Variants in SMIM13 observed in about 807,000 individuals in gnomAD.
SMIM13 encodes UPF0766 protein C6orf228.
In SMIM13, 3 loss-of-function variants were observed where a neutral mutation model predicts 5.9. The observed-to-expected ratio is 0.51, with a 90% confidence interval of 0.23 to 1.31. The LOEUF is 1.31. Ranked by LOEUF, SMIM13 falls within the 40% of genes most tolerant of loss-of-function variation. The probability of loss-of-function intolerance (pLI) is 0.18; values close to 1 mark genes in which losing one functional copy is unlikely to be tolerated. For missense variants in SMIM13, 85 were observed against 109.9 expected (o/e 0.77, Z 1.01); for synonymous variants, 55 against 46.0 (o/e 1.19, Z -0.79).
At chr6:11,121,205 T>C (rs1758305220) in intron 1 of SMIM13, among the ~76,000 whole-genome samples, 1 of 152,232 alleles carries the variant, frequency 6.6e-6, no homozygotes, top group Admixed American at 6.5e-5. Context: ...AATCAGTATA[T>C]TGTGGACTGT....
At chr6:11,109,438 A>T (rs1203202841) in intron 1 of SMIM13, among the ~76,000 whole-genome samples, 5 of 152,108 alleles carry the variant, frequency 3.3e-5, no homozygotes, top group African/African-American at 1.2e-4. Flanking sequence ...GGAGACTTCG[A>T]TATAATTGGG....
intron 1 of SMIM13, among the ~76,000 whole-genome samples, chr6:11,132,071 A>G (rs924445301): frequency 1.3e-5 from 2 of 152,218 alleles, no homozygotes; most frequent in Admixed American, 6.5e-5. Flanking sequence ...TTACAACTCA[A>G]TAATAAAAAG....
At chr6:11,115,389 T>G (rs995440491) in intron 1 of SMIM13, among the ~76,000 whole-genome samples, 3 of 152,166 alleles carry the variant, frequency 2.0e-5, no homozygotes, top group African/African-American at 7.2e-5. Flanking sequence ...TCCTTCAAGC[T>G]TATGTGGTTG....
intron 1 of SMIM13, among the ~76,000 whole-genome samples, chr6:11,109,700 C>T (rs1207973501): frequency 1.3e-5 from 2 of 152,056 alleles, no homozygotes; most frequent in Non-Finnish European, 2.9e-5. Context: ...ATTCCTGGTC[C>T]TAGAGCTTTT....
intron 1 of SMIM13, among the ~76,000 whole-genome samples, chr6:11,130,095 C>G (rs1758432802): frequency 6.6e-6 from 1 of 152,120 alleles, no homozygotes; most frequent in Non-Finnish European, 1.5e-5. Context: ...CTCCTCCTGT[C>G]TGTCCCCAAA....
At chr6:11,098,377 T>C (rs895130124) in intron 1 of SMIM13, among the ~76,000 whole-genome samples, 1 of 152,234 alleles carries the variant, frequency 6.6e-6, no homozygotes, top group Non-Finnish European at 1.5e-5. Context: ...TGAGCTTAAA[T>C]TGTCATATTC....
In SMIM13 at chr6:11,134,525, TC is replaced by T. The variant is rs1352246410; in HGVS notation, c.201del (p.Ser68ProfsTer23). 2 of 1,551,044 alleles carry T rather than the reference TC, an allele frequency of 1.3e-6. No individual in the cohort carries two copies. The highest frequency in any genetic ancestry group is 2.7e-5 in the African/African-American group (2 of 73,118). On this transcript the variant is annotated frameshift_variant, in exon 2 of 2. Transcript: ENST00000416247. LOFTEE classifies it high-confidence loss of function. ...AGGGTCTGAAACTGAAGAAGACACT[TC>T]CTCCTCTCCACACAGAATCAGATCC... ...PSGSETEEDT[S>X]SSPHRIRSAR...
intron 1 of SMIM13, among the ~76,000 whole-genome samples, chr6:11,117,339 A>ATT (rs34219527): frequency 7.5e-6 from 1 of 133,048 alleles, no homozygotes; most frequent in African/African-American, 2.8e-5. Context: ...AATTTTTTGT[A>ATT]TTTTTTTTTT....
rs1236812271 is a variant in SMIM13 at position 11,103,253 on chromosome 6, GGAAGT to G, written c.76+8866_76+8870del. On this transcript the variant is annotated intron_variant, in intron 1 of 1. Coordinates refer to ENST00000416247, the MANE Select transcript of SMIM13 (RefSeq NM_001135575.2). The stretch of plus-strand genomic sequence containing the variant: ...GCACCCAACTCCTGAGATCTTATCA[GGAAGT>G]GGCTGATCACCAGCTTCAGGTGTTT... 18 of 166,450 alleles carry G rather than the reference GGAAGT, an allele frequency of 1.1e-4. 1 individual carries two copies. In the Middle Eastern group the frequency reaches 0.022, roughly 202 times the overall value. 10.3% of individuals were successfully genotyped at this position (166,450 alleles called of 1,614,324 possible).
chr6:11,103,720 G>A (rs1283669010), intron 1 of SMIM13: 12 of 1,551,310 alleles, frequency 7.7e-6, no homozygotes, highest in South Asian at 5.9e-5. Context: ...TGAATATTGC[G>A]AGGATGGCGT....
At chr6:11,102,214 C>T (rs1430054438) in intron 1 of SMIM13, among the ~76,000 whole-genome samples, 2 of 152,150 alleles carry the variant, frequency 1.3e-5, no homozygotes, top group South Asian at 2.1e-4. Flanking sequence ...CCAGAATTCT[C>T]ATTAACCCTG....
chr6:11,101,032 C>CTTTTTT (rs200622017), intron 1 of SMIM13, among the ~76,000 whole-genome samples: 33 of 127,480 alleles, frequency 2.6e-4, no homozygotes, highest in Middle Eastern at 4.0e-3. Context: ...TCTCCATTTT[C>CTTTTTT]TTTTTTTTTT....
chr6:11,105,604 A>C, intron 1 of SMIM13: 2 of 363,098 alleles, frequency 5.5e-6, no homozygotes, highest in Non-Finnish European at 1.1e-5. Flanking sequence ...TGATGGATCT[A>C]GCTGGCAGTC....
intron 1 of SMIM13, among the ~76,000 whole-genome samples, chr6:11,107,077 C>A (rs1481850827): frequency 6.6e-6 from 1 of 152,204 alleles, no homozygotes; most frequent in Admixed American, 6.5e-5. Context: ...CCATACTCTG[C>A]ATATCTAGCT....
At position 11,135,293 on chromosome 6, in the gene SMIM13, G is replaced by A. The variant is rs962281801; in HGVS notation, c.*691G>A. The A allele has an allele frequency of 6.6e-6, 1 of 152,570 alleles. No homozygotes were observed. The highest frequency in any genetic ancestry group is 1.5e-5 in the Non-Finnish European group (1 of 68,038). 9.5% of individuals were successfully genotyped at this position (152,570 alleles called of 1,614,324 possible). A position where few individuals can be genotyped will look rare whatever the true frequency, so the allele number is the denominator to read the frequency against. On this transcript the variant is annotated 3_prime_UTR_variant, in exon 2 of 2. Transcript: ENST00000416247. ...AAAGCAACAACAAAATGTTTTACGG[G>A]ACCTAAGAAAGGTAGGTACCCACAA...
chr6:11,113,147 T>G (rs1020348156), intron 1 of SMIM13, among the ~76,000 whole-genome samples: 4 of 152,224 alleles, frequency 2.6e-5, no homozygotes, highest in Non-Finnish European at 5.9e-5. Context: ...GTTAGTAGTA[T>G]TATTAACATT....
At chr6:11,132,728 A>G (rs867484009) in intron 1 of SMIM13, among the ~76,000 whole-genome samples, 7 of 152,202 alleles carry the variant, frequency 4.6e-5, no homozygotes, top group Admixed American at 2.0e-4. Flanking sequence ...AGGCAAATCC[A>G]TAGAGACAGA....
At chr6:11,117,295 C>CT (rs759193672) in intron 1 of SMIM13, among the ~76,000 whole-genome samples, 68 of 148,192 alleles carry the variant, frequency 4.6e-4, no homozygotes, top group Non-Finnish European at 8.5e-4. Context: ...TCCCAAGTAG[C>CT]TGGGACTACA....
chr6:11,120,701 C>T lies in SMIM13; in HGVS notation c.77-13702C>T, dbSNP rs1454959100. On this transcript the variant is annotated intron_variant, in intron 1 of 1. Coordinates refer to ENST00000416247, the MANE Select transcript of SMIM13 (RefSeq NM_001135575.2). Reference sequence around the variant, plus strand: ...CCATGAAAATCTGAGAAATTTGATACGCTGTTAAGATTCATTGCTCTGTCT... The same window carrying T: ...CCATGAAAATCTGAGAAATTTGATATGCTGTTAAGATTCATTGCTCTGTCT... 6.6e-5 allele frequency among the ~76,000 whole-genome samples: 10 copies of T among 152,208 alleles called. No individual in the cohort carries two copies. In the South Asian group the frequency reaches 1.7e-3, roughly 25 times the overall value.
Sources: gnomAD v4.1 joint callset for allele counts (sites outside exome capture counted in the v4.1 genomes callset) on GRCh38, gnomAD v4.1.1 for gene constraint, MANE v1.5 for transcripts, NCBI Gene and HGNC (gene_info 2026-07-23, HGNC 2026-07-21) for gene names.